The following ATXN7L1 variants were observed in gnomAD, a reference collection of about 807,000 sequenced individuals.
ATXN7L1 encodes the protein ataxin-7-like protein 1.
ATXN7L1 carries 15 observed loss-of-function variants against 70.8 expected under a neutral mutation model. The observed-to-expected ratio is 0.21, with a 90% CI of 0.14 to 0.33. ATXN7L1 has a LOEUF of 0.33. Among genes scored for constraint, ATXN7L1 ranks in the 10% least tolerant of loss-of-function variants. The pLI is 1.00. For missense variants in ATXN7L1, 975 were observed against 1,097.1 expected, an observed-to-expected ratio of 0.89 and a Z score of 1.57; for synonymous variants, 440 against 445.1, an observed-to-expected ratio of 0.99 and a Z score of 0.14.
intron 2 of ATXN7L1, among the ~76,000 whole-genome samples, chr7:105,814,627 A>G (rs1032599102): frequency 2.0e-5 from 3 of 152,112 alleles, no homozygotes; most frequent in Admixed American, 6.6e-5. Flanking sequence ...CTCATTACAC[A>G]GGCTTGTTGA....
At chr7:105,727,803 T>C (rs1231873286) in intron 3 of ATXN7L1, among the ~76,000 whole-genome samples, 1 of 121,514 alleles carries the variant, frequency 8.2e-6, no homozygotes, top group East Asian at 2.8e-4. Flanking sequence ...CATATATATA[T>C]GTATATATGA....
At chr7:105,610,502 G>GGGGGCC in intron 11 of ATXN7L1, 27 bp downstream of exon 11, 1 of 1,525,648 alleles carries the variant, frequency 6.6e-7, no homozygotes, top group Non-Finnish European at 8.9e-7. Context: ...ATGAATTTTT[G>GGGGGCC]CCCCACCCCC....
At chr7:105,664,165 C>T (rs1265683731) in intron 4 of ATXN7L1, among the ~76,000 whole-genome samples, 1 of 152,032 alleles carries the variant, frequency 6.6e-6, no homozygotes, top group Non-Finnish European at 1.5e-5. Flanking sequence ...CAATTAGTTG[C>T]CTCTGCTGGT....
At chr7:105,765,881 T>C (rs565337662) in intron 3 of ATXN7L1, among the ~76,000 whole-genome samples, 8 of 152,240 alleles carry the variant, frequency 5.3e-5, no homozygotes, top group African/African-American at 1.9e-4. Flanking sequence ...ATGGACTCAC[T>C]GTAATACTAT....
At chr7:105,780,048 G>A (rs979916182) in intron 3 of ATXN7L1, among the ~76,000 whole-genome samples, 1 of 152,208 alleles carries the variant, frequency 6.6e-6, no homozygotes, top group Non-Finnish European at 1.5e-5. Flanking sequence ...AGGTGATAAT[G>A]CCCCTGACAC....
At chr7:105,686,411 G>GCTAATCCT (rs1806191198) in intron 3 of ATXN7L1, among the ~76,000 whole-genome samples, 1 of 152,178 alleles carries the variant, frequency 6.6e-6, no homozygotes, top group Admixed American at 6.5e-5. Flanking sequence ...AGCTACTTGG[G>GCTAATCCT]AGGCTGAGGC....
At chr7:105,688,116 G>A (rs1021629046) in intron 3 of ATXN7L1, among the ~76,000 whole-genome samples, 3 of 152,086 alleles carry the variant, frequency 2.0e-5, no homozygotes, top group Non-Finnish European at 4.4e-5. Context: ...AGACCACCAG[G>A]TGGCCCATGA....
At chr7:105,650,726 A>T (rs1345562454) in intron 4 of ATXN7L1, among the ~76,000 whole-genome samples, 1 of 152,210 alleles carries the variant, frequency 6.6e-6, no homozygotes, top group African/African-American at 2.4e-5. Context: ...TTGCTCCTCA[A>T]TTGGGTTAAG....
intron 3 of ATXN7L1, among the ~76,000 whole-genome samples, chr7:105,721,126 A>G (rs1354703541): frequency 6.6e-6 from 1 of 152,188 alleles, no homozygotes; most frequent in Non-Finnish European, 1.5e-5. Context: ...TGGCCGGTCC[A>G]GAACACGGGG....
At chr7:105,848,543 G>A (rs1358630749) in intron 2 of ATXN7L1, among the ~76,000 whole-genome samples, 1 of 152,010 alleles carries the variant, frequency 6.6e-6, no homozygotes, top group Non-Finnish European at 1.5e-5. Flanking sequence ...CATTTACAAT[G>A]GAATACTTAA....
chr7:105,664,381 G>T (rs1439070373), intron 4 of ATXN7L1, among the ~76,000 whole-genome samples: 1 of 150,356 alleles, frequency 6.7e-6, no homozygotes, highest in Non-Finnish European at 1.5e-5. Context: ...ACTCTCAAGA[G>T]AATTAAAAAA....
At chr7:105,713,861 C>T (rs1399487230) in intron 3 of ATXN7L1, among the ~76,000 whole-genome samples, 1 of 152,204 alleles carries the variant, frequency 6.6e-6, no homozygotes, top group Non-Finnish European at 1.5e-5. Context: ...GCCCATTAGC[C>T]CTTCTGCCCA....
At chr7:105,866,750 C>T (rs1487628286) in intron 2 of ATXN7L1, among the ~76,000 whole-genome samples, 3 of 152,194 alleles carry the variant, frequency 2.0e-5, no homozygotes, top group Non-Finnish European at 4.4e-5. Context: ...GCCATTCCTA[C>T]AATATTCTGA....
At chr7:105,740,769 A>ATTTTTTTTTTTTTTTTTTTTTTTTT (rs1235457353) in intron 3 of ATXN7L1, among the ~76,000 whole-genome samples, 1 of 85,704 alleles carries the variant, frequency 1.2e-5, no homozygotes. Context: ...GGCTCCATTC[A>ATTTTTTTTTTTTTTTTTTTTTTTTT]TTTTTTTTTT....
intron 2 of ATXN7L1, among the ~76,000 whole-genome samples, chr7:105,815,262 A>G (rs1563115728): frequency 6.6e-6 from 1 of 152,064 alleles, no homozygotes; most frequent in Non-Finnish European, 1.5e-5. Flanking sequence ...GAAATCTCAC[A>G]TTTGCATTTT....
chr7:105,679,792 G>A (rs1239671632), intron 3 of ATXN7L1, among the ~76,000 whole-genome samples: 2 of 152,082 alleles, frequency 1.3e-5, no homozygotes, highest in East Asian at 1.9e-4. Flanking sequence ...AAGAAGGCGG[G>A]GGGAGTGACT....
Position 105,738,545 on chromosome 7 carries a change from A to G in ATXN7L1, c.355+50059T>C, listed in dbSNP as rs549791602. On this transcript the variant is annotated intron_variant, in intron 3 of 11. Transcript: ENST00000419735. ...GCACTTGATATTCGTTAACTGATTT[A>G]ACTTGTAAAAGAATCCTGTGAATTA... Among the ~76,000 whole-genome samples the G allele has an allele frequency of 2.0e-5, 3 of 152,382 alleles. No homozygotes were observed. In the East Asian group the frequency reaches 5.8e-4, roughly 29 times the overall value.
At chr7:105,841,858 G>C (rs1314832821) in intron 2 of ATXN7L1, among the ~76,000 whole-genome samples, 1 of 152,180 alleles carries the variant, frequency 6.6e-6, no homozygotes, top group East Asian at 1.9e-4. Context: ...CATCCACTGG[G>C]GGTCTTGGAA....
rs1314856208 is a variant in ATXN7L1, at chr7:105,664,768, T to C, written c.578+298A>G. 2.6e-5 allele frequency among the ~76,000 whole-genome samples: 4 copies of C among 151,618 alleles called. No homozygotes were observed. The East Asian group carries it at 7.8e-4, about 29-fold the overall frequency. ...TTTTAGTAGAGACAGGGTTTCACTG[T>C]GTTGCCCAGGCTGGTTTCAAACTCC... On this transcript the variant is annotated intron_variant, in intron 4 of 11. Coordinates refer to ENST00000419735, the MANE Select transcript of ATXN7L1 (RefSeq NM_020725.2).
Sources: allele counts gnomAD v4.1 joint callset (sites outside exome capture counted in the v4.1 genomes callset), GRCh38; gene constraint gnomAD v4.1.1; transcripts MANE v1.5; gene names NCBI Gene and HGNC (gene_info 2026-07-23, HGNC 2026-07-21).